CCDC3: variants seen among roughly 807,000 people sequenced by gnomAD.
CCDC3 encodes coiled-coil domain containing 3, also known as coiled-coil domain-containing protein 3.
In CCDC3, 24 loss-of-function variants were observed where a neutral mutation model predicts 21.4. The ratio of observed to expected loss-of-function variants is 1.12; its 90% CI spans 0.81 to 1.58. The LOEUF (loss-of-function observed/expected upper bound fraction) is 1.58. Among genes scored for constraint, CCDC3 ranks in the 40% most tolerant of loss-of-function variants. The pLI is 0.00. For missense variants in CCDC3, 425 were observed against 360.9 expected (o/e 1.18, Z -1.44); for synonymous variants, 186 against 166.0 (o/e 1.12, Z -0.93).
intron 5 of CCDC3, among the ~76,000 whole-genome samples, chr10:13,047,415 T>A (rs2131422595): frequency 1.3e-5 from 2 of 152,214 alleles, no homozygotes; most frequent in Non-Finnish European, 2.9e-5. Flanking sequence ...CCCTTTGAAA[T>A]GTTAGGGATC....
At chr10:12,934,654 A>G (rs1834706427) in intron 2 of CCDC3, among the ~76,000 whole-genome samples, 1 of 152,218 alleles carries the variant, frequency 6.6e-6, no homozygotes, top group African/African-American at 2.4e-5. Context: ...ATTAAGAATC[A>G]TTATGCCTTC....
intron 3 of CCDC3, among the ~76,000 whole-genome samples, chr10:13,096,334 C>A (rs1341081445): frequency 6.6e-6 from 1 of 152,112 alleles, no homozygotes; most frequent in Non-Finnish European, 1.5e-5. Context: ...CAGGCACGCA[C>A]CACTACTGCC....
chr10:13,059,563 T>C (rs1836727641), intron 4 of CCDC3, among the ~76,000 whole-genome samples: 1 of 152,186 alleles, frequency 6.6e-6, no homozygotes, highest in Admixed American at 6.5e-5. Context: ...GGGGCGGAGA[T>C]GAACAGAGTC....
At chr10:12,975,512 G>T (rs927420913) in intron 2 of CCDC3, among the ~76,000 whole-genome samples, 1 of 152,204 alleles carries the variant, frequency 6.6e-6, no homozygotes, top group Non-Finnish European at 1.5e-5. Context: ...ATGAGAGGAA[G>T]GATGGGCAAA....
At chr10:13,008,376 G>A (rs1835948633) in intron 5 of CCDC3, among the ~76,000 whole-genome samples, 1 of 152,176 alleles carries the variant, frequency 6.6e-6, no homozygotes, top group Non-Finnish European at 1.5e-5. Flanking sequence ...GGCCAAGCAG[G>A]GTAATGAGGA....
At chr10:13,031,315 A>G (rs1836297520) in intron 5 of CCDC3, among the ~76,000 whole-genome samples, 1 of 152,218 alleles carries the variant, frequency 6.6e-6, no homozygotes, top group African/African-American at 2.4e-5. Context: ...TAGACACAAC[A>G]TACCAGAATC....
At position 12,910,610 on chromosome 10, in the gene CCDC3, A is replaced by ATT. The variant is rs1345583827; in HGVS notation, c.550-11932_550-11931insAA. ...TAGTCAGAGCAAAAAAAAAAAAAAA[A>ATT]ATTTTTTTTTTTTTTTTGACACAGA... On this transcript the variant is annotated intron_variant, in intron 2 of 2. Transcript: ENST00000378825. 1.5e-3 allele frequency among the ~76,000 whole-genome samples: 150 copies of ATT among 103,002 alleles called. 1 individual carries two copies. The East Asian group carries it at 0.037, about 25-fold the overall frequency. 67.6% of individuals were successfully genotyped at this position (103,002 alleles called of 152,430 possible).
chr10:13,090,619 T>A (rs965838443), intron 3 of CCDC3, among the ~76,000 whole-genome samples: 2 of 152,110 alleles, frequency 1.3e-5, no homozygotes, highest in African/African-American at 4.8e-5. Context: ...AGAACTAATC[T>A]CCTTCCCCCA....
At chr10:13,069,924 G>A (rs1836863492) in intron 4 of CCDC3, among the ~76,000 whole-genome samples, 1 of 152,106 alleles carries the variant, frequency 6.6e-6, no homozygotes, top group Admixed American at 6.6e-5. Flanking sequence ...TCAACAGATG[G>A]TTTATAACCA....
intron 4 of CCDC3, among the ~76,000 whole-genome samples, chr10:13,070,717 C>G (rs936496454): frequency 1.3e-5 from 2 of 152,094 alleles, no homozygotes; most frequent in African/African-American, 4.8e-5. Flanking sequence ...CCATGAAAGC[C>G]GATCTAAAAG....
At chr10:12,986,297 C>T (rs918927536) in intron 2 of CCDC3, among the ~76,000 whole-genome samples, 2 of 152,136 alleles carry the variant, frequency 1.3e-5, no homozygotes, top group Non-Finnish European at 2.9e-5. Context: ...TGAATACTAA[C>T]ATCTGAATAA....
intron 3 of CCDC3, among the ~76,000 whole-genome samples, chr10:13,098,054 G>C: frequency 6.6e-6 from 1 of 152,134 alleles, no homozygotes; most frequent in East Asian, 1.9e-4. Flanking sequence ...AAGTAACTTG[G>C]TCAAGGTCCT....
At chr10:13,040,691 A>T (rs11258152) in intron 5 of CCDC3, among the ~76,000 whole-genome samples, 2,577 of 92,214 alleles carry the variant, frequency 0.028, 40 homozygotes, top group Non-Finnish European at 0.034. Context: ...ACTCTGTCAC[A>T]CACACACACA....
chr10:12,903,426 A>G lies in CCDC3; in HGVS notation c.550-4747T>C, dbSNP rs563363002. The stretch of plus-strand genomic sequence containing the variant: ...TCCTTTTAAAACTGCTTTAAAAAGA[A>G]AAAAAGGTCCAGATACGCTATTTGC... On this transcript the variant is annotated intron_variant, in intron 2 of 2. Transcript: ENST00000378825. Among the ~76,000 whole-genome samples the G allele has an allele frequency of 5.3e-5, 8 of 152,374 alleles. No homozygotes were observed. In the South Asian group the frequency reaches 1.7e-3, roughly 32 times the overall value.
chr10:12,929,880 T>G (rs1483735733), intron 2 of CCDC3, among the ~76,000 whole-genome samples: 1 of 152,138 alleles, frequency 6.6e-6, no homozygotes. Flanking sequence ...CAAAGCAAGC[T>G]AAGAAATTGA....
chr10:13,067,695 G>A (rs914578540), intron 4 of CCDC3, among the ~76,000 whole-genome samples: 1 of 152,072 alleles, frequency 6.6e-6, no homozygotes, highest in Non-Finnish European at 1.5e-5. Context: ...TTTGATATCT[G>A]CATGATCTGT....
chr10:12,984,518 A>G (rs1263331651), intron 2 of CCDC3, among the ~76,000 whole-genome samples: 2 of 152,230 alleles, frequency 1.3e-5, no homozygotes, highest in South Asian at 4.1e-4. Flanking sequence ...AAGGCTAAAC[A>G]TAGTTACCAT....
intron 3 of CCDC3, among the ~76,000 whole-genome samples, chr10:13,088,647 A>C (rs1214404380): frequency 6.6e-6 from 1 of 152,224 alleles, no homozygotes; most frequent in Non-Finnish European, 1.5e-5. Context: ...CTGTCTCCAA[A>C]AGCACAGGCA....
intron 4 of CCDC3, among the ~76,000 whole-genome samples, chr10:13,069,210 G>A (rs1226142994): frequency 5.9e-5 from 9 of 152,220 alleles, no homozygotes; most frequent in Admixed American, 5.9e-4. Context: ...AGCCGAGATT[G>A]TGCCATTGCA....
Sources: allele counts gnomAD v4.1 joint callset (sites outside exome capture counted in the v4.1 genomes callset), GRCh38; gene constraint gnomAD v4.1.1; transcripts MANE v1.5; gene names NCBI Gene and HGNC (gene_info 2026-07-23, HGNC 2026-07-21).